Variants in PDE4D observed in about 807,000 individuals in gnomAD.
PDE4D encodes phosphodiesterase 4D.
Under a neutral mutation model 87.4 loss-of-function variants are expected in PDE4D, and 24 were observed. The observed-to-expected ratio is 0.27, with a 90% confidence interval of 0.20 to 0.39. The LOEUF is 0.39. Ranked by LOEUF, PDE4D falls within the 10% of genes least tolerant of loss-of-function variation. The pLI is 1.00. For missense variants in PDE4D, 714 were observed against 1,041.0 expected, an observed-to-expected ratio of 0.69 and a Z score of 4.32; for synonymous variants, 384 against 383.2, an observed-to-expected ratio of 1.00 and a Z score of -0.02.
intron 1 of PDE4D, among the ~76,000 whole-genome samples, chr5:59,460,576 T>C (rs1318512327): frequency 6.6e-6 from 1 of 152,130 alleles, no homozygotes; most frequent in African/African-American, 2.4e-5. Flanking sequence ...GTCTGGACAA[T>C]ATGCTAACAG....
intron 5 of PDE4D, among the ~76,000 whole-genome samples, chr5:59,081,147 T>C (rs980692613): frequency 4.6e-5 from 7 of 152,166 alleles, no homozygotes; most frequent in African/African-American, 1.4e-4. Context: ...TTTTAACTGA[T>C]GTCAAGTCAT....
intron 5 of PDE4D, among the ~76,000 whole-genome samples, chr5:59,102,803 C>T (rs564916043): frequency 2.2e-4 from 33 of 152,266 alleles, no homozygotes; most frequent in Non-Finnish European, 4.3e-4. Flanking sequence ...TGTGTTTTAA[C>T]AAGGGCATGG....
At chr5:60,175,205 G>A (rs571350697) in intron 2 of PDE4D, among the ~76,000 whole-genome samples, 135 of 151,930 alleles carry the variant, frequency 8.9e-4, no homozygotes, top group Admixed American at 2.6e-3. Flanking sequence ...GCTGTCTCAC[G>A]TCTACTAACA....
intron 1 of PDE4D, among the ~76,000 whole-genome samples, chr5:60,372,929 G>C (rs974776332): frequency 6.6e-6 from 1 of 152,124 alleles, no homozygotes; most frequent in South Asian, 2.1e-4. Context: ...CTTTGCCTTA[G>C]AGGCAGTGAG....
chr5:59,648,735 A>T (rs984970001), intron 1 of PDE4D, among the ~76,000 whole-genome samples: 4 of 148,014 alleles, frequency 2.7e-5, no homozygotes, highest in Non-Finnish European at 6.0e-5. Context: ...AAAAAAAAAA[A>T]TAAGGTTTAA....
intron 11 of PDE4D, among the ~76,000 whole-genome samples, chr5:58,982,408 T>C (rs1745401020): frequency 6.6e-6 from 1 of 152,196 alleles, no homozygotes; most frequent in African/African-American, 2.4e-5. Context: ...GACTAGGGAC[T>C]TCCATGGGCA....
chr5:59,427,345 A>G (rs574414641), intron 1 of PDE4D, among the ~76,000 whole-genome samples: 1 of 148,408 alleles, frequency 6.7e-6, no homozygotes, highest in South Asian at 2.2e-4. Flanking sequence ...ACACGCCCCT[A>G]TGCCAAAATA....
intron 1 of PDE4D, among the ~76,000 whole-genome samples, chr5:59,424,467 T>C (rs1794916240): frequency 6.6e-6 from 1 of 152,158 alleles, no homozygotes. Flanking sequence ...GAAAGGATGG[T>C]TAACTGACTC....
intron 2 of PDE4D, among the ~76,000 whole-genome samples, chr5:60,017,231 G>A (rs116129844): frequency 0.013 from 1,934 of 152,196 alleles, 49 homozygotes; most frequent in African/African-American, 0.044. Context: ...ACAGAAATAC[G>A]GTAATACAGG....
intron 1 of PDE4D, among the ~76,000 whole-genome samples, chr5:59,721,740 T>C (rs942046004): frequency 6.6e-6 from 1 of 152,042 alleles, no homozygotes; most frequent in Admixed American, 6.6e-5. Flanking sequence ...TAGGTCAGAG[T>C]CCTGCATAAA....
At chr5:60,474,862 C>G (rs1748185690) in intron 1 of PDE4D, among the ~76,000 whole-genome samples, 1 of 152,204 alleles carries the variant, frequency 6.6e-6, no homozygotes, top group Admixed American at 6.5e-5. Context: ...CACCCTGCCT[C>G]AGACCTTCCA....
chr5:59,139,818 A>G (rs1489148120), intron 5 of PDE4D, among the ~76,000 whole-genome samples: 1 of 152,002 alleles, frequency 6.6e-6, no homozygotes, highest in African/African-American at 2.4e-5. Flanking sequence ...AACTAAAAAA[A>G]CTAAAAAACT....
At position 59,647,854 on chromosome 5, in the gene PDE4D, G is replaced by T. The variant is rs1020632575; in HGVS notation, c.455+245314C>A. On this transcript the variant is annotated intron_variant, in intron 1 of 14. Coordinates refer to ENST00000340635, the MANE Select transcript of PDE4D (RefSeq NM_001104631.2). ...TATTAAACACATAACTTATTCATATGATTTTATTTTTATATATCTTTGCAG... is the reference window on the plus strand; with the variant it reads ...TATTAAACACATAACTTATTCATATTATTTTATTTTTATATATCTTTGCAG... 5.3e-5 allele frequency among the ~76,000 whole-genome samples: 8 copies of T among 152,218 alleles called. No individual in the cohort carries two copies. In the East Asian group the frequency reaches 1.3e-3, roughly 26 times the overall value.
chr5:59,062,100 C>T (rs988088809), intron 5 of PDE4D, among the ~76,000 whole-genome samples: 12 of 152,080 alleles, frequency 7.9e-5, no homozygotes, highest in African/African-American at 2.7e-4. Flanking sequence ...TTCATTCTTT[C>T]AAAACCTGGA....
chr5:59,203,769 C>T lies in PDE4D; in HGVS notation c.648-10233G>A, dbSNP rs376475060. ...AAGATAAATACCATGTGATCTCACA[C>T]ATATGTGGAATCTAAAAACAAAATC... is the stretch of plus-strand genomic sequence containing the variant. On this transcript the variant is annotated intron_variant, in intron 2 of 14. Transcript: ENST00000340635. 7.9e-5 allele frequency among the ~76,000 whole-genome samples: 12 copies of T among 152,212 alleles called. No homozygotes were observed. In the South Asian group the frequency reaches 2.5e-3, roughly 32 times the overall value.
intron 2 of PDE4D, among the ~76,000 whole-genome samples, chr5:60,178,579 A>G (rs570863341): frequency 6.6e-6 from 1 of 152,292 alleles, no homozygotes; most frequent in African/African-American, 2.4e-5. Context: ...ATGTTCAAAT[A>G]GAACCCTGCT....
At chr5:60,173,569 A>C (rs1239455610) in intron 2 of PDE4D, among the ~76,000 whole-genome samples, 2 of 152,122 alleles carry the variant, frequency 1.3e-5, no homozygotes, top group African/African-American at 4.8e-5. Context: ...ACACACACAC[A>C]CACACACAAT....
In PDE4D at chr5:59,120,271, T is replaced by A. The variant is rs189363856; in HGVS notation, c.808+60324A>T. On this transcript the variant is annotated intron_variant, in intron 5 of 14. Transcript: ENST00000340635. ...ACACTTTTTATAAACAAGCTGAAGGTTACTTTAATTTTGTTCAAGGTTGTG... is the reference window on the plus strand; with the variant it reads ...ACACTTTTTATAAACAAGCTGAAGGATACTTTAATTTTGTTCAAGGTTGTG... Among the ~76,000 whole-genome samples, 4 of 152,294 alleles carry A rather than the reference T, an allele frequency of 2.6e-5. No homozygotes were observed. The East Asian group carries it at 7.7e-4, about 29-fold the overall frequency.
At chr5:59,349,584 T>C (rs1468790977) in intron 1 of PDE4D, among the ~76,000 whole-genome samples, 1 of 152,154 alleles carries the variant, frequency 6.6e-6, no homozygotes, top group Non-Finnish European at 1.5e-5. Flanking sequence ...TGAAAATAAA[T>C]AGTATAAATT....
Sources: allele counts gnomAD v4.1 joint callset (sites outside exome capture counted in the v4.1 genomes callset), GRCh38; gene constraint gnomAD v4.1.1; transcripts MANE v1.5; gene names NCBI Gene and HGNC (gene_info 2026-07-23, HGNC 2026-07-21).